WHRN: variants seen among roughly 807,000 people sequenced by gnomAD.
WHRN encodes the protein whirlin.
Under a neutral mutation model 68.3 loss-of-function variants are expected in WHRN, and 41 were observed. The ratio of observed to expected loss-of-function variants is 0.60; its 90% CI spans 0.47 to 0.78. WHRN has a LOEUF of 0.78. Among genes scored for constraint, WHRN ranks in the 30% least tolerant of loss-of-function variants. WHRN has a pLI of 0.00. For synonymous variants in WHRN, 560 were observed against 561.3 expected (o/e 1.00, Z 0.03); for missense variants, 1,243 against 1,244.7 (o/e 1.00, Z 0.02).
chr9:114,479,460 C>T (rs558169768), intron 1 of WHRN, among the ~76,000 whole-genome samples: 1 of 152,302 alleles, frequency 6.6e-6, no homozygotes, highest in South Asian at 2.1e-4. Flanking sequence ...TGTAATAAAC[C>T]CTAGCCACAG....
chr9:114,437,660 G>A (rs1234901212), intron 3 of WHRN, among the ~76,000 whole-genome samples: 1 of 152,172 alleles, frequency 6.6e-6, no homozygotes, highest in Non-Finnish European at 1.5e-5. Context: ...TTGGCCATGT[G>A]ACAACACGGT....
rs549584611 is a variant in WHRN at position 114,504,440 on chromosome 9, G to A, written c.362C>T (p.Pro121Leu). Residue 121 changes from proline (P) to leucine (L), a missense_variant, in exon 1 of 12, where the codon CCC (proline) becomes CTC (leucine). Transcript: ENST00000362057. Reference sequence around the variant, plus strand: ...GCCGCCCCAGGCGGGCTGCCTGTAGGGGGTGGTGGCGGGCAGGTAGAGGCC... The same window carrying A: ...GCCGCCCCAGGCGGGCTGCCTGTAGAGGGTGGTGGCGGGCAGGTAGAGGCC... Reference protein sequence around the residue: ...AEGLYLPATTPYRQPAWGGPD... With the variant: ...AEGLYLPATTLYRQPAWGGPD... 1.2e-6 allele frequency: 2 copies of A among 1,607,314 alleles called. No individual in the cohort carries two copies. Among genetic ancestry groups the A allele is most frequent in the East Asian group, 4.5e-5 (2 of 44,870 alleles).
chr9:114,456,539 G>A (rs112395345), intron 3 of WHRN, among the ~76,000 whole-genome samples: 1,835 of 152,212 alleles, frequency 0.012, 15 homozygotes, highest in Middle Eastern at 0.027. Flanking sequence ...AAAGTATATG[G>A]GTTAGGGGCC....
chr9:114,429,396 A>G (rs761696888), intron 3 of WHRN, among the ~76,000 whole-genome samples: 2 of 152,196 alleles, frequency 1.3e-5, no homozygotes, highest in Non-Finnish European at 2.9e-5. Context: ...TCCGTGCCAC[A>G]TGGCCCCACA....
chr9:114,426,490 C>T, intron 3 of WHRN, 77 bp from the exon 4 acceptor site: 2 of 1,536,832 alleles, frequency 1.3e-6, no homozygotes, highest in Non-Finnish European at 9.0e-7. Flanking sequence ...GCCCAGATCC[C>T]AATTCTCCTC....
At chr9:114,421,002 G>C (rs1351825324) in intron 7 of WHRN, among the ~76,000 whole-genome samples, 1 of 151,922 alleles carries the variant, frequency 6.6e-6, no homozygotes, top group Non-Finnish European at 1.5e-5. Context: ...CCTGGTCTAG[G>C]AGAGTCCTAA....
At chr9:114,437,112 C>T (rs1837927626) in intron 3 of WHRN, among the ~76,000 whole-genome samples, 1 of 151,992 alleles carries the variant, frequency 6.6e-6, no homozygotes, top group South Asian at 2.1e-4. Context: ...TAGAAATAGG[C>T]CCAAGGACAC....
intron 3 of WHRN, among the ~76,000 whole-genome samples, chr9:114,432,596 G>A (rs905825747): frequency 6.6e-6 from 1 of 152,174 alleles, no homozygotes; most frequent in Non-Finnish European, 1.5e-5. Flanking sequence ...TTGGGTAATT[G>A]ACTTCACTTC....
At chr9:114,471,068 G>A (rs1234797870) in intron 2 of WHRN, among the ~76,000 whole-genome samples, 5 of 152,210 alleles carry the variant, frequency 3.3e-5, no homozygotes, top group Admixed American at 6.5e-5. Context: ...GTTCTATCAA[G>A]CACAGGGTAA....
intron 3 of WHRN, among the ~76,000 whole-genome samples, chr9:114,461,991 A>C (rs564172699): frequency 1.3e-5 from 2 of 152,226 alleles, no homozygotes; most frequent in South Asian, 2.1e-4. Flanking sequence ...GACTAAATGG[A>C]AAGAGGAAAA....
chr9:114,443,565 C>T (rs1208076214), intron 3 of WHRN, among the ~76,000 whole-genome samples: 1 of 152,210 alleles, frequency 6.6e-6, no homozygotes, highest in Non-Finnish European at 1.5e-5. Context: ...GACACGCGAC[C>T]CACCAGGATA....
At chr9:114,500,869 T>A (rs1843862686) in intron 1 of WHRN, among the ~76,000 whole-genome samples, 1 of 152,252 alleles carries the variant, frequency 6.6e-6, no homozygotes, top group Non-Finnish European at 1.5e-5. Flanking sequence ...CCCATCAATT[T>A]CCTGATATAG....
rs757171517 is a variant in WHRN, at chr9:114,403,243, G to A, written c.2515C>T (p.Pro839Ser). Residue 839 changes from proline to serine, a missense_variant, in exon 11 of 12, where the codon CCC (proline) becomes TCC (serine). By Grantham distance (74) the Pro-to-Ser change is moderately conservative. Coordinates refer to ENST00000362057, the MANE Select transcript of WHRN (RefSeq NM_015404.4). ...AIEGGANTRQ[P>S]LPRIVTIQRG... ...TGAATAGTGACAATCCTAGGCAGGG[G>A]CTGGCGGGTGTTGGCGCCACCCTCG... 2.0e-5 allele frequency: 33 copies of A among 1,614,088 alleles called. No individual in the cohort carries two copies. Among genetic ancestry groups the A allele is most frequent in the Non-Finnish European group, 2.6e-5 (31 of 1,180,044 alleles).
intron 1 of WHRN, among the ~76,000 whole-genome samples, chr9:114,498,673 A>C (rs1044111538): frequency 3.9e-5 from 6 of 152,208 alleles, no homozygotes; most frequent in African/African-American, 1.4e-4. Flanking sequence ...AATGTCAAGT[A>C]CAAAATGTGA....
chr9:114,477,304 T>C (rs541301691), intron 2 of WHRN, among the ~76,000 whole-genome samples: 1 of 152,242 alleles, frequency 6.6e-6, no homozygotes, highest in Non-Finnish European at 1.5e-5. Flanking sequence ...TGTGGCCTCC[T>C]GGCAGTCAGT....
chr9:114,410,780 G>A (rs1373564781), intron 7 of WHRN, among the ~76,000 whole-genome samples: 1 of 152,202 alleles, frequency 6.6e-6, no homozygotes, highest in Non-Finnish European at 1.5e-5. Flanking sequence ...TGCCTCACAG[G>A]AATCTGCTGC....
chr9:114,480,256 G>A (rs1167045427), intron 1 of WHRN, among the ~76,000 whole-genome samples: 1 of 152,092 alleles, frequency 6.6e-6, no homozygotes, highest in Non-Finnish European at 1.5e-5. Flanking sequence ...CAAGACGCTT[G>A]CAGCTGAGAT....
intron 1 of WHRN, among the ~76,000 whole-genome samples, chr9:114,498,763 C>T (rs1843676517): frequency 6.6e-6 from 1 of 152,120 alleles, no homozygotes; most frequent in Admixed American, 6.5e-5. Flanking sequence ...GGGCTGGGGT[C>T]CAAGCAAGGA....
chr9:114,466,635 G>A (rs531175899), intron 2 of WHRN, among the ~76,000 whole-genome samples: 6 of 152,272 alleles, frequency 3.9e-5, no homozygotes, highest in African/African-American at 1.2e-4. Flanking sequence ...CAAGTGTAGT[G>A]GGGGGAAGGT....
Sources: allele counts gnomAD v4.1 joint callset (sites outside exome capture counted in the v4.1 genomes callset), GRCh38; gene constraint gnomAD v4.1.1; transcripts MANE v1.5; gene names NCBI Gene and HGNC (gene_info 2026-07-23, HGNC 2026-07-21).